LMO7: variants seen among roughly 807,000 people sequenced by gnomAD.
The protein encoded by LMO7 is LIM domain 7.
In LMO7, 120 loss-of-function variants were observed where a neutral mutation model predicts 206.5. The observed-to-expected ratio is 0.58, with a 90% confidence interval of 0.50 to 0.68. The LOEUF is 0.68. LMO7 is among the 30% of genes least tolerant of loss of function. The pLI is 0.00. For missense variants in LMO7, 1,959 were observed against 1,957.9 expected, an observed-to-expected ratio of 1.00 and a Z score of -0.01; for synonymous variants, 706 against 681.5, an observed-to-expected ratio of 1.04 and a Z score of -0.56.
In LMO7 at chr13:75,814,287, G is replaced by A. The variant is rs114055785; in HGVS notation, c.1947-2874G>A. ...TGAGAAAACCTACCTCATTCTTACC[G>A]TAGACATTGAATGAGTATATCCTGC... On this transcript the variant is annotated intron_variant, in intron 11 of 30. Transcript: ENST00000377534. Among the ~76,000 whole-genome samples, 398 of 152,280 alleles carry A rather than the reference G, an allele frequency of 2.6e-3. 5 individuals are homozygous for A. The highest frequency in any genetic ancestry group is 9.0e-3 in the African/African-American group (373 of 41,564).
intron 24 of LMO7, 152 bp from the exon 25 acceptor site, chr13:75,842,699 T>A: frequency 1.7e-6 from 1 of 577,614 alleles, no homozygotes; most frequent in East Asian, 2.9e-5. Context: ...TCTGTGGTTA[T>A]TCATTGAAAT....
At chr13:75,668,033 C>A (rs566082889) in intron 1 of LMO7, among the ~76,000 whole-genome samples, 3 of 152,120 alleles carry the variant, frequency 2.0e-5, no homozygotes, top group Non-Finnish European at 4.4e-5. Flanking sequence ...CATGGTGAAA[C>A]CCTGTCTCTA....
chr13:75,841,053 A>G (rs904322512), intron 22 of LMO7, 56 bp from the exon 23 acceptor site: 1 of 1,074,262 alleles, frequency 9.3e-7, no homozygotes, highest in South Asian at 1.4e-5. Context: ...AATAAAGAAG[A>G]TTCCTAATGT....
intron 4 of LMO7, among the ~76,000 whole-genome samples, chr13:75,782,087 CTCTG>C (rs2051566876): frequency 1.3e-5 from 2 of 152,104 alleles, no homozygotes; most frequent in African/African-American, 4.8e-5. Flanking sequence ...TGCCTGTTTA[CTCTG>C]ATGGTAGTTT....
At chr13:75,665,056 G>C (rs1383837852) in intron 1 of LMO7, among the ~76,000 whole-genome samples, 3 of 152,092 alleles carry the variant, frequency 2.0e-5, no homozygotes, top group African/African-American at 7.2e-5. Flanking sequence ...AGGGTCAGGT[G>C]TGTGTATATG....
intron 1 of LMO7, among the ~76,000 whole-genome samples, chr13:75,695,234 A>G (rs1234076742): frequency 6.6e-6 from 1 of 152,220 alleles, no homozygotes; most frequent in East Asian, 1.9e-4. Context: ...CTTGGAGAAG[A>G]GAAAGACTTG....
chr13:75,645,982 A>C (rs1173690733), intron 1 of LMO7, among the ~76,000 whole-genome samples: 1 of 152,140 alleles, frequency 6.6e-6, no homozygotes, highest in Non-Finnish European at 1.5e-5. Flanking sequence ...CTTGTCCCTA[A>C]ATTTTAGTAA....
chr13:75,717,955 GT>G (rs2043693614), intron 2 of LMO7, among the ~76,000 whole-genome samples: 1 of 152,164 alleles, frequency 6.6e-6, no homozygotes, highest in African/African-American at 2.4e-5. Flanking sequence ...AGTGAAAACT[GT>G]TTTTCTTCAC....
chr13:75,791,909 C>T (rs1206321843), intron 4 of LMO7, among the ~76,000 whole-genome samples: 1 of 152,022 alleles, frequency 6.6e-6, no homozygotes, highest in East Asian at 1.9e-4. Context: ...ATTTTTATTG[C>T]AGACTTGGGT....
intron 3 of LMO7, among the ~76,000 whole-genome samples, chr13:75,742,400 A>G (rs1026938683): frequency 3.9e-5 from 6 of 152,122 alleles, no homozygotes; most frequent in African/African-American, 1.4e-4. Flanking sequence ...GAAACCAAAA[A>G]AGCCCCAATA....
At chr13:75,703,906 G>A (rs2042467278) in intron 1 of LMO7, among the ~76,000 whole-genome samples, 1 of 152,060 alleles carries the variant, frequency 6.6e-6, no homozygotes, top group Non-Finnish European at 1.5e-5. Context: ...TGTGTTTATG[G>A]TAAGCCATAA....
intron 1 of LMO7, among the ~76,000 whole-genome samples, chr13:75,676,031 T>A (rs888671109): frequency 6.6e-6 from 1 of 152,218 alleles, no homozygotes; most frequent in Non-Finnish European, 1.5e-5. Context: ...GTGTTACTAA[T>A]GAATATGTAT....
intron 1 of LMO7, among the ~76,000 whole-genome samples, chr13:75,659,315 T>G (rs2038352731): frequency 6.6e-6 from 1 of 152,202 alleles, no homozygotes; most frequent in African/African-American, 2.4e-5. Context: ...TTCACCCCAA[T>G]CCATTAATGT....
chr13:75,629,841 G>A (rs1210013092), intron 2 of LMO7, among the ~76,000 whole-genome samples: 2 of 152,136 alleles, frequency 1.3e-5, no homozygotes, highest in Non-Finnish European at 2.9e-5. Context: ...TGGCATGAGA[G>A]ACCAAAAAGT....
At chr13:75,700,472 C>G (rs1246730654) in intron 1 of LMO7, among the ~76,000 whole-genome samples, 1 of 152,224 alleles carries the variant, frequency 6.6e-6, no homozygotes, top group East Asian at 1.9e-4. Flanking sequence ...TCCCTCTGTT[C>G]AGGTTCCCTG....
At chr13:75,653,270 G>T (rs1005573074) in intron 1 of LMO7, among the ~76,000 whole-genome samples, 3 of 152,208 alleles carry the variant, frequency 2.0e-5, no homozygotes, top group African/African-American at 7.2e-5. Context: ...AACTGAAGAT[G>T]AAATGGCTGA....
At chr13:75,695,590 C>A (rs1232996491) in intron 1 of LMO7, among the ~76,000 whole-genome samples, 1 of 152,192 alleles carries the variant, frequency 6.6e-6, no homozygotes, top group African/African-American at 2.4e-5. Context: ...CGTGATCTGC[C>A]CGCCTTGGCC....
chr13:75,825,983 C>T (rs2058076710), intron 15 of LMO7, among the ~76,000 whole-genome samples: 1 of 151,976 alleles, frequency 6.6e-6, no homozygotes, highest in Non-Finnish European at 1.5e-5. Flanking sequence ...TTCATCTCTT[C>T]CTCCAGACTC....
intron 3 of LMO7, among the ~76,000 whole-genome samples, chr13:75,753,604 C>T (rs1221990462): frequency 6.6e-6 from 1 of 152,058 alleles, no homozygotes; most frequent in Non-Finnish European, 1.5e-5. Flanking sequence ...GGGTTGTTTC[C>T]CCCATGCTAT....
Sources: allele counts gnomAD v4.1 joint callset (sites outside exome capture counted in the v4.1 genomes callset), GRCh38; gene constraint gnomAD v4.1.1; transcripts MANE v1.5; gene names NCBI Gene and HGNC (gene_info 2026-07-23, HGNC 2026-07-21).